ADGRL3: variants seen among roughly 807,000 people sequenced by gnomAD.
ADGRL3 encodes the protein calcium-independent alpha-latrotoxin receptor 3.
Under a neutral mutation model 153.5 loss-of-function variants are expected in ADGRL3, and 62 were observed. That is an observed-to-expected ratio of 0.40 (90% CI 0.33 to 0.50). The LOEUF is 0.50. Ranked by LOEUF, ADGRL3 falls within the 20% of genes least tolerant of loss-of-function variation. The pLI is 0.47. For synonymous variants in ADGRL3, 710 were observed against 672.5 expected (o/e 1.06, Z -0.86); for missense variants, 1,641 against 1,859.4 (o/e 0.88, Z 2.16).
intron 5 of ADGRL3, among the ~76,000 whole-genome samples, chr4:61,645,476 G>C (rs957351879): frequency 6.6e-6 from 1 of 151,252 alleles, no homozygotes; most frequent in African/African-American, 2.4e-5. Context: ...TTTAGGGCAG[G>C]CCTGGTGGTG....
chr4:61,456,429 CTATATATATAGA>C (rs1560664795), intron 2 of ADGRL3, among the ~76,000 whole-genome samples: 3 of 34,266 alleles, frequency 8.8e-5, no homozygotes, highest in East Asian at 1.2e-3. Flanking sequence ...ATATCTATAT[CTATATATATAGA>C]TATATCTATA....
At chr4:61,955,507 T>A (rs972448088) in intron 17 of ADGRL3, among the ~76,000 whole-genome samples, 6 of 152,194 alleles carry the variant, frequency 3.9e-5, no homozygotes, top group African/African-American at 9.6e-5. Flanking sequence ...TAATTTGAAC[T>A]AATTAGTGAT....
intron 5 of ADGRL3, among the ~76,000 whole-genome samples, chr4:61,665,641 C>T (rs531641071): frequency 1.1e-4 from 16 of 152,224 alleles, no homozygotes; most frequent in South Asian, 2.1e-4. Flanking sequence ...ATTTTTAATA[C>T]GCAAAATGAT....
intron 6 of ADGRL3, among the ~76,000 whole-genome samples, chr4:61,714,219 A>ACGCACACACACACACACG (rs1383469233): frequency 2.4e-5 from 1 of 42,318 alleles, no homozygotes; most frequent in African/African-American, 1.4e-4. Flanking sequence ...CATGTAAAAT[A>ACGCACACACACACACACG]CGCACACACA....
intron 5 of ADGRL3, among the ~76,000 whole-genome samples, chr4:61,600,382 G>A (rs1220845744): frequency 1.4e-5 from 2 of 147,240 alleles, no homozygotes; most frequent in East Asian, 2.0e-4. Context: ...TTAAGAAAAA[G>A]TTGTCTCCTG....
intron 4 of ADGRL3, among the ~76,000 whole-genome samples, chr4:61,521,206 C>T (rs1421791527): frequency 6.6e-6 from 1 of 152,170 alleles, no homozygotes; most frequent in East Asian, 1.9e-4. Context: ...ATAAAGTGGC[C>T]TCTAAGCTGC....
chr4:61,393,151 A>G (rs1268866624), intron 2 of ADGRL3, among the ~76,000 whole-genome samples: 1 of 152,118 alleles, frequency 6.6e-6, no homozygotes, highest in African/African-American at 2.4e-5. Context: ...GAACAGCACT[A>G]GATTATCCAT....
intron 1 of ADGRL3, among the ~76,000 whole-genome samples, chr4:61,219,587 A>G (rs561206248): frequency 1.2e-4 from 18 of 152,290 alleles, no homozygotes; most frequent in African/African-American, 3.8e-4. Context: ...TTCTTAGAAC[A>G]GTGGTTTAAT....
intron 21 of ADGRL3, among the ~76,000 whole-genome samples, chr4:62,023,055 G>A (rs987743668): frequency 1.2e-4 from 18 of 151,786 alleles, no homozygotes; most frequent in African/African-American, 4.4e-4. Context: ...AAAACCTTCT[G>A]GAAAGTATTC....
intron 25 of ADGRL3, among the ~76,000 whole-genome samples, chr4:62,059,682 CTGT>C (rs1397414694): frequency 2.6e-5 from 4 of 152,054 alleles, no homozygotes; most frequent in African/African-American, 9.7e-5. Flanking sequence ...ATAACTGATT[CTGT>C]ATTGCATTGA....
At chr4:62,009,572 TG>T (rs1162905536) in intron 21 of ADGRL3, among the ~76,000 whole-genome samples, 3 of 152,134 alleles carry the variant, frequency 2.0e-5, no homozygotes, top group African/African-American at 7.2e-5. Flanking sequence ...ATAATGATAA[TG>T]TTTTAGTGCC....
At chr4:61,676,962 G>A (rs2095214450) in intron 6 of ADGRL3, 27 bp downstream of exon 6, 4 of 1,423,556 alleles carry the variant, frequency 2.8e-6, no homozygotes, top group Non-Finnish European at 4.0e-6. Flanking sequence ...ACTTTTCTTG[G>A]CAAGAGAAAA....
intron 25 of ADGRL3, among the ~76,000 whole-genome samples, chr4:62,059,415 A>G (rs968498107): frequency 6.6e-6 from 1 of 152,104 alleles, no homozygotes; most frequent in Non-Finnish European, 1.5e-5. Context: ...AGTTAATTTC[A>G]GAAACAATAA....
intron 2 of ADGRL3, among the ~76,000 whole-genome samples, chr4:61,454,779 G>A (rs983601653): frequency 6.6e-6 from 1 of 152,062 alleles, no homozygotes; most frequent in African/African-American, 2.4e-5. Context: ...ACAAAAAGTA[G>A]ACACTCATAC....
chr4:61,362,385 C>T (rs965414828), intron 1 of ADGRL3, among the ~76,000 whole-genome samples: 17 of 151,576 alleles, frequency 1.1e-4, no homozygotes, highest in Non-Finnish European at 2.9e-5. Flanking sequence ...TTGAATGACT[C>T]AGATGTTAGG....
chr4:61,571,077 A>G (rs1003065660), intron 4 of ADGRL3, among the ~76,000 whole-genome samples: 4 of 152,034 alleles, frequency 2.6e-5, no homozygotes, highest in African/African-American at 9.7e-5. Context: ...AAGATGGAGT[A>G]GGGGATGCAA....
chr4:61,834,416 A>G (rs2097910184), intron 9 of ADGRL3, among the ~76,000 whole-genome samples: 1 of 152,188 alleles, frequency 6.6e-6, no homozygotes, highest in Non-Finnish European at 1.5e-5. Context: ...GCCACAATAA[A>G]CATACGTGTG....
At chr4:61,272,915 A>G (rs1165926047) in intron 1 of ADGRL3, among the ~76,000 whole-genome samples, 1 of 152,136 alleles carries the variant, frequency 6.6e-6, no homozygotes, top group East Asian at 1.9e-4. Flanking sequence ...GGAGAGGTGT[A>G]GGACATTGTA....
At chr4:61,583,571 T>A (rs189415137) in intron 4 of ADGRL3, 8 of 482,860 alleles carry the variant, frequency 1.7e-5, no homozygotes, top group Non-Finnish European at 2.5e-5. Flanking sequence ...ACAGTTAATA[T>A]GTGATCAAAA....
Sources: allele counts gnomAD v4.1 joint callset (sites outside exome capture counted in the v4.1 genomes callset), GRCh38; gene constraint gnomAD v4.1.1; transcripts MANE v1.5; gene names NCBI Gene and HGNC (gene_info 2026-07-23, HGNC 2026-07-21).